KLHL29: variants seen among roughly 807,000 people sequenced by gnomAD.
The protein encoded by KLHL29 is kelch like family member 29.
In KLHL29, 21 loss-of-function variants were observed where a neutral mutation model predicts 80.4. The observed-to-expected ratio is 0.26, with a 90% CI of 0.19 to 0.38. KLHL29 has a LOEUF of 0.38. Ranked by LOEUF, KLHL29 falls within the 10% of genes least tolerant of loss-of-function variation. KLHL29 has a pLI of 1.00. For synonymous variants in KLHL29, 511 were observed against 526.8 expected (o/e 0.97, Z 0.41); for missense variants, 867 against 1,223.9 (o/e 0.71, Z 4.35).
At chr2:23,613,542 G>A (rs1265876836) in intron 3 of KLHL29, among the ~76,000 whole-genome samples, 2 of 151,976 alleles carry the variant, frequency 1.3e-5, no homozygotes, top group Non-Finnish European at 2.9e-5. Flanking sequence ...GAGGTGGGCG[G>A]ATCACAAGGT....
intron 1 of KLHL29, among the ~76,000 whole-genome samples, chr2:23,403,965 C>T (rs1287262104): frequency 1.3e-5 from 2 of 152,124 alleles, no homozygotes; most frequent in Non-Finnish European, 2.9e-5. Context: ...GAGCAATCCT[C>T]GATGCCTTTG....
chr2:23,435,553 A>G (rs1302849488), intron 1 of KLHL29, among the ~76,000 whole-genome samples: 1 of 152,226 alleles, frequency 6.6e-6, no homozygotes, highest in East Asian at 1.9e-4. Context: ...GGGAAGTCAA[A>G]TTCAGCTCCC....
At chr2:23,422,754 T>G (rs889927264) in intron 1 of KLHL29, among the ~76,000 whole-genome samples, 5 of 151,822 alleles carry the variant, frequency 3.3e-5, no homozygotes, top group African/African-American at 1.2e-4. Flanking sequence ...TCTGTGTGTC[T>G]GTGTCTCTGT....
At chr2:23,459,294 G>A (rs1054697979) in intron 1 of KLHL29, among the ~76,000 whole-genome samples, 3 of 152,322 alleles carry the variant, frequency 2.0e-5, no homozygotes, top group African/African-American at 7.2e-5. Context: ...CATTAAAGGT[G>A]TCAGATAAGT....
chr2:23,541,813 G>A (rs72793548), intron 2 of KLHL29, among the ~76,000 whole-genome samples: 26,520 of 150,582 alleles, frequency 0.18, 2,753 homozygotes, highest in African/African-American at 0.29. Context: ...CCAGTGGACA[G>A]CAGCAGGGCT....
At chr2:23,617,541 C>G (rs967494665) in intron 3 of KLHL29, 1 of 152,240 alleles carries the variant, frequency 6.6e-6, no homozygotes, top group Non-Finnish European at 1.5e-5. Context: ...TTGGAAAATA[C>G]TGCCTTCAAG....
chr2:23,558,535 G>A (rs556611061), intron 2 of KLHL29, among the ~76,000 whole-genome samples: 76 of 151,920 alleles, frequency 5.0e-4, no homozygotes, highest in African/African-American at 1.7e-3. Flanking sequence ...CTGAGTAGCT[G>A]GGATTACAGA....
At chr2:23,455,896 G>T (rs1664036909) in intron 1 of KLHL29, among the ~76,000 whole-genome samples, 1 of 152,064 alleles carries the variant, frequency 6.6e-6, no homozygotes, top group Admixed American at 6.6e-5. Context: ...CTTTAAAGGG[G>T]TGATTAAGGT....
intron 1 of KLHL29, among the ~76,000 whole-genome samples, chr2:23,467,407 C>G (rs145528829): frequency 6.6e-6 from 1 of 152,320 alleles, no homozygotes; most frequent in Non-Finnish European, 1.5e-5. Context: ...TTAATGGCAT[C>G]TTTCTGCCTG....
intron 1 of KLHL29, among the ~76,000 whole-genome samples, chr2:23,436,280 T>TTGTGTGTGTGTGTGTGTGTG (rs57931176): frequency 9.5e-5 from 13 of 136,944 alleles, no homozygotes; most frequent in Admixed American, 4.4e-4. Flanking sequence ...CCAATCAGCT[T>TTGTGTGTGTGTGTGTGTGTG]TGTGTGTGTG....
chr2:23,430,944 G>T (rs1052265991), intron 1 of KLHL29, among the ~76,000 whole-genome samples: 4 of 152,186 alleles, frequency 2.6e-5, no homozygotes, highest in Non-Finnish European at 4.4e-5. Flanking sequence ...CCTTACAGTT[G>T]GTTTACATTT....
At chr2:23,699,698 C>T (rs1334764951) in intron 11 of KLHL29, among the ~76,000 whole-genome samples, 4 of 152,202 alleles carry the variant, frequency 2.6e-5, no homozygotes, top group African/African-American at 9.7e-5. Context: ...TCTCGGCGCC[C>T]AGCCCTGGGG....
At chr2:23,391,888 G>A (rs983071481) in intron 1 of KLHL29, among the ~76,000 whole-genome samples, 2 of 152,164 alleles carry the variant, frequency 1.3e-5, no homozygotes, top group African/African-American at 2.4e-5. Context: ...ATTTCCTCCC[G>A]AGTGTCTCTG....
intron 3 of KLHL29, among the ~76,000 whole-genome samples, chr2:23,576,736 A>T (rs1333168349): frequency 1.3e-5 from 2 of 152,238 alleles, no homozygotes; most frequent in Non-Finnish European, 2.9e-5. Context: ...CGCCGCGTCC[A>T]GCAATGGACT....
At chr2:23,621,659 C>T (rs1427033683) in intron 3 of KLHL29, among the ~76,000 whole-genome samples, 3 of 151,960 alleles carry the variant, frequency 2.0e-5, no homozygotes, top group Non-Finnish European at 4.4e-5. Flanking sequence ...AGATGCCGAG[C>T]CCCCAGGAGA....
intron 5 of KLHL29, among the ~76,000 whole-genome samples, chr2:23,655,443 G>A (rs1016829627): frequency 2.0e-5 from 3 of 152,110 alleles, no homozygotes; most frequent in South Asian, 2.1e-4. Flanking sequence ...TTCTGTCACC[G>A]AGGAATGAGG....
chr2:23,577,051 A>G (rs1667860039), intron 3 of KLHL29, among the ~76,000 whole-genome samples: 1 of 152,208 alleles, frequency 6.6e-6, no homozygotes, highest in Admixed American at 6.5e-5. Flanking sequence ...CTGTGCCTCC[A>G]GATCCTCAAG....
chr2:23,470,546 A>G (rs1664469263), intron 1 of KLHL29, among the ~76,000 whole-genome samples: 1 of 152,254 alleles, frequency 6.6e-6, no homozygotes, highest in Non-Finnish European at 1.5e-5. Context: ...CAGGTAAATG[A>G]GAAAATAAGA....
At chr2:23,417,816 T>C (rs901962670) in intron 1 of KLHL29, among the ~76,000 whole-genome samples, 4 of 152,172 alleles carry the variant, frequency 2.6e-5, no homozygotes, top group African/African-American at 9.7e-5. Flanking sequence ...TTTTTAGCCT[T>C]GAGTTTCTTC....
Sources: gnomAD v4.1 joint callset for allele counts (sites outside exome capture counted in the v4.1 genomes callset) on GRCh38, gnomAD v4.1.1 for gene constraint, MANE v1.5 for transcripts, NCBI Gene and HGNC (gene_info 2026-07-23, HGNC 2026-07-21) for gene names.